The following SUZ12 variants were observed in gnomAD, a reference collection of about 807,000 sequenced individuals.
The protein encoded by SUZ12 is polycomb protein SUZ12.
A neutral mutation model predicts 87.3 loss-of-function variants in SUZ12; 17 were observed. The ratio of observed to expected loss-of-function variants is 0.19; its 90% CI spans 0.13 to 0.29. SUZ12 has a LOEUF of 0.29. Ranked by LOEUF, SUZ12 falls within the 10% of genes least tolerant of loss-of-function variation. SUZ12 has a pLI of 1.00. For synonymous variants in SUZ12, 253 were observed against 312.4 expected, an observed-to-expected ratio of 0.81 and a Z score of 2.01; for missense variants, 526 against 912.2, an observed-to-expected ratio of 0.58 and a Z score of 5.45.
Position 31,973,112 on chromosome 17 carries a change from T to A in SUZ12, c.506-34T>A, listed in dbSNP as rs187589526. The A allele has an allele frequency of 9.6e-4, 1,446 of 1,512,644 alleles. 8 individuals carry two copies. The African/African-American group carries it at 0.013, about 14-fold the overall frequency. The allele number at this position is 1,512,644 out of a possible 1,614,324, so 93.7% of individuals were successfully genotyped here. A position where few individuals can be genotyped will look rare whatever the true frequency, so the allele number is the denominator to read the frequency against. ...ATGAATACCTTGTTCATATATTTTT[T>A]AAATATATTTTAAAATACTGATTTT... On this transcript the variant is annotated intron_variant, in intron 5 of 15. Transcript: ENST00000322652.
Position 31,979,072 on chromosome 17 carries a change from C to G in SUZ12, c.917+2458C>G, listed in dbSNP as rs185875175. Among the ~76,000 whole-genome samples, 986 of 142,236 alleles carry G rather than the reference C, an allele frequency of 6.9e-3. 6 individuals are homozygous for G. Among genetic ancestry groups the G allele is most frequent in the Non-Finnish European group, 8.1e-3 (537 of 66,448 alleles). The allele number at this position is 142,236 out of a possible 152,430, so 93.3% of individuals were successfully genotyped here. On this transcript the variant is annotated intron_variant, in intron 8 of 15. Transcript: ENST00000322652. ...AGTGAGTTGAGATCGCGCCGCTGCA[C>G]TCCAGCCTGGTGACAGCGAGACTGT...
chr17:31,957,895 C>CTTTTTTTTTTTTTTTTTT lies in SUZ12; in HGVS notation c.456-8244_456-8227dup, dbSNP rs1181314058. On this transcript the variant is annotated intron_variant, in intron 4 of 15. Transcript: ENST00000322652. ...ACCTGGCCCTGGCTCACCTTTTGTC[C>CTTTTTTTTTTTTTTTTTT]TTTTTTTTTTTTTTTTTTTTTTTTT... Among the ~76,000 whole-genome samples the CTTTTTTTTTTTTTTTTTT allele has an allele frequency of 1.2e-4, 11 of 91,330 alleles. 2 individuals carry two copies. Among genetic ancestry groups the CTTTTTTTTTTTTTTTTTT allele is most frequent in the Admixed American group, 1.2e-4 (1 of 8,104 alleles). 59.9% of individuals were successfully genotyped at this position (91,330 alleles called of 152,430 possible).
At chr17:31,985,158 C>CAAAA (rs34227080) in intron 9 of SUZ12, among the ~76,000 whole-genome samples, 5 of 72,892 alleles carry the variant, frequency 6.9e-5, no homozygotes, top group East Asian at 4.3e-4. Flanking sequence ...GACTCTGTCT[C>CAAAA]AAAAAAAAAA....
intron 5 of SUZ12, among the ~76,000 whole-genome samples, chr17:31,969,548 G>A (rs1908293352): frequency 6.6e-6 from 1 of 152,108 alleles, no homozygotes; most frequent in Admixed American, 6.5e-5. Context: ...ACCCACCTCG[G>A]CCTCCCAAAG....
intron 4 of SUZ12, among the ~76,000 whole-genome samples, chr17:31,959,913 A>G (rs1355356933): frequency 6.6e-6 from 1 of 152,340 alleles, no homozygotes; most frequent in East Asian, 1.9e-4. Flanking sequence ...TCTTGTTATC[A>G]TGTGTCTTAC....
intron 4 of SUZ12, among the ~76,000 whole-genome samples, chr17:31,960,098 A>G (rs1200481701): frequency 1.3e-5 from 2 of 152,300 alleles, no homozygotes; most frequent in East Asian, 1.9e-4. Flanking sequence ...GATGTGGACA[A>G]AGTAGCTGCA....
rs563050662 is a variant in SUZ12, at chr17:31,975,574, G to A, written c.684G>A (p.Pro228=). 1.1e-5 allele frequency: 17 copies of A among 1,613,834 alleles called. No individual in the cohort carries two copies. The highest frequency in any genetic ancestry group is 3.3e-5 in the Admixed American group (2 of 60,002). The part of the protein sequence containing the change: ...DLNQTKPGNF[P]SLAVSSNEFE... ...ATCAAACAAAACCCGGAAATTTCCC[G>A]TCCCTTGCAGTTTCCAGTAATGAAT... The change falls in exon 7 of 16, where the codon CCG becomes CCA. Residue 228 remains proline (P), a synonymous_variant. Coordinates refer to ENST00000322652, the MANE Select transcript of SUZ12 (RefSeq NM_015355.4).
Position 31,994,493 on chromosome 17 carries a change from C to A in SUZ12, c.1438-71C>A, listed in dbSNP as rs550852362. The A allele has an allele frequency of 3.2e-5, 43 of 1,353,032 alleles. No individual in the cohort carries two copies. The South Asian group carries it at 6.3e-4, about 20-fold the overall frequency. 83.8% of individuals were successfully genotyped at this position (1,353,032 alleles called of 1,614,324 possible). On this transcript the variant is annotated intron_variant, in intron 12 of 15. Transcript: ENST00000322652. Reference sequence around the variant, plus strand: ...TCTAAATATTAAGAGCCCACAAATTCTTTAATTAAATTGGAGGGATATTTA... The same window carrying A: ...TCTAAATATTAAGAGCCCACAAATTATTTAATTAAATTGGAGGGATATTTA...
intron 5 of SUZ12, among the ~76,000 whole-genome samples, chr17:31,971,163 A>G (rs2627076): frequency 1.2e-4 from 19 of 152,298 alleles, no homozygotes; most frequent in Non-Finnish European, 1.6e-4. Flanking sequence ...TGGGGAAAGC[A>G]TCTAAAAATA....
intron 9 of SUZ12, among the ~76,000 whole-genome samples, chr17:31,985,730 T>C (rs1160409358): frequency 1.3e-5 from 2 of 151,874 alleles, no homozygotes; most frequent in African/African-American, 2.4e-5. Context: ...TGGCATGATC[T>C]TGGCTCACTG....
intron 14 of SUZ12, 78 bp from the exon 15 acceptor site, chr17:31,996,720 A>G (rs1909997555): frequency 9.7e-7 from 1 of 1,032,598 alleles, no homozygotes; most frequent in African/African-American, 1.7e-5. Context: ...TTTAGTTCCA[A>G]AACATTCTGT....
chr17:31,957,347 C>A (rs984447569), intron 4 of SUZ12, among the ~76,000 whole-genome samples: 6 of 151,758 alleles, frequency 4.0e-5, no homozygotes, highest in African/African-American at 1.5e-4. Context: ...TCATGTAATT[C>A]TCCTGTCTCA....
chr17:31,962,072 G>A (rs1414192229), intron 4 of SUZ12, among the ~76,000 whole-genome samples: 1 of 152,186 alleles, frequency 6.6e-6, no homozygotes, highest in Admixed American at 6.6e-5. Flanking sequence ...TGGTCATTTA[G>A]CTCTTGATTG....
At chr17:31,971,853 G>T (rs550236701) in intron 5 of SUZ12, among the ~76,000 whole-genome samples, 3 of 152,260 alleles carry the variant, frequency 2.0e-5, no homozygotes, top group Admixed American at 1.3e-4. Flanking sequence ...AGTTGCATGT[G>T]CCTGTAGTCT....
In SUZ12 at chr17:31,940,378, T is replaced by C. The variant is rs576832419; in HGVS notation, c.322-44T>C. 1.2e-5 allele frequency: 19 copies of C among 1,587,728 alleles called. No individual in the cohort carries two copies. In the Admixed American group the frequency reaches 2.9e-4, roughly 24 times the overall value. On this transcript the variant is annotated intron_variant, in intron 2 of 15. Coordinates refer to ENST00000322652, the MANE Select transcript of SUZ12 (RefSeq NM_015355.4). Reference sequence around the variant, plus strand: ...ATCAATATTATTTCTCTCTTATAACTGCATCTGTATTCAATTTTAACATTT... The same window carrying C: ...ATCAATATTATTTCTCTCTTATAACCGCATCTGTATTCAATTTTAACATTT...
At position 31,996,998 on chromosome 17, in the gene SUZ12, T is replaced by A. The variant is rs1910009145; in HGVS notation, c.1874+121T>A. 1.3e-5 allele frequency: 9 copies of A among 690,422 alleles called. No individual in the cohort carries two copies. In the South Asian group the frequency reaches 4.8e-4, roughly 37 times the overall value. The allele number at this position is 690,422 out of a possible 1,614,324, so 42.8% of individuals were successfully genotyped here. A position where few individuals can be genotyped will look rare whatever the true frequency, so the allele number is the denominator to read the frequency against. Reference sequence around the variant, plus strand: ...TTAAAATTCCATTAATGTATATTTGTCCCAAATTTTATTCTATTCCAATGT... The same window carrying A: ...TTAAAATTCCATTAATGTATATTTGACCCAAATTTTATTCTATTCCAATGT... On this transcript the variant is annotated intron_variant, in intron 15 of 15. Coordinates refer to ENST00000322652, the MANE Select transcript of SUZ12 (RefSeq NM_015355.4).
At chr17:31,967,030 C>T (rs1276803617) in intron 5 of SUZ12, 1 of 151,826 alleles carries the variant, frequency 6.6e-6, no homozygotes, top group Non-Finnish European at 1.5e-5. Context: ...GAAACCCCAT[C>T]TCTACTAAAA....
At chr17:31,981,743 C>G (rs1174996071) in intron 8 of SUZ12, among the ~76,000 whole-genome samples, 1 of 152,146 alleles carries the variant, frequency 6.6e-6, no homozygotes, top group African/African-American at 2.4e-5. Context: ...AGACAGACAC[C>G]TGGATTCATT....
chr17:31,940,366 C>T (rs571065671), intron 2 of SUZ12, 34 bp downstream of exon 2: 114 of 1,602,752 alleles, frequency 7.1e-5, no homozygotes, highest in South Asian at 3.4e-5. Context: ...AATATTATTT[C>T]TCTCTTATAA....
Sources: allele counts gnomAD v4.1 joint callset (sites outside exome capture counted in the v4.1 genomes callset), GRCh38; gene constraint gnomAD v4.1.1; transcripts MANE v1.5; gene names NCBI Gene and HGNC (gene_info 2026-07-23, HGNC 2026-07-21).